The following CHODL variants were observed in gnomAD, a reference collection of about 807,000 sequenced individuals.
CHODL encodes chondrolectin, also known as transmembrane protein MT75.
A neutral mutation model predicts 34.5 loss-of-function variants in CHODL; 29 were observed. The ratio of observed to expected loss-of-function variants is 0.84; its 90% confidence interval spans 0.63 to 1.15. The LOEUF (loss-of-function observed/expected upper bound fraction) is 1.15. Ranked by LOEUF, CHODL falls within the 50% of genes most tolerant of loss-of-function variation. CHODL has a pLI of 0.00. For missense variants in CHODL, 332 were observed against 332.5 expected, an observed-to-expected ratio of 1.00 and a Z score of 0.01; for synonymous variants, 125 against 116.1, an observed-to-expected ratio of 1.08 and a Z score of -0.49.
Position 18,232,967 on chromosome 21 carries a change from A to ATATG in CHODL, c.-44-23539_-44-23538insGTAT, listed in dbSNP as rs1243615968. On this transcript the variant is annotated intron_variant, in intron 2 of 6. Transcript: ENST00000400127. ...GATATATATATATATATATATATAT[A>ATATG]TATATGTATATATATGACCTATCTA... 5.0e-5 allele frequency among the ~76,000 whole-genome samples: 7 copies of ATATG among 139,198 alleles called. No individual in the cohort carries two copies. The East Asian group carries it at 1.4e-3, about 28-fold the overall frequency. The allele number at this position is 139,198 out of a possible 152,430, so 91.3% of individuals were successfully genotyped here.
intron 2 of CHODL, among the ~76,000 whole-genome samples, chr21:18,232,942 G>T (rs8126630): frequency 0.21 from 24,906 of 118,160 alleles, 3,207 homozygotes; most frequent in African/African-American, 0.26. Flanking sequence ...ATGATGTTAT[G>T]ATATATATAT....
chr21:18,174,315 T>C (rs186706720), intron 2 of CHODL, among the ~76,000 whole-genome samples: 3 of 151,612 alleles, frequency 2.0e-5, no homozygotes, highest in East Asian at 3.9e-4. Flanking sequence ...AAAATAATTT[T>C]TTCTTGCAAT....
chr21:17,923,462 G>GTTTTTTT (rs71318108), intron 1 of CHODL, among the ~76,000 whole-genome samples: 3 of 130,664 alleles, frequency 2.3e-5, no homozygotes, highest in Admixed American at 8.0e-5. Context: ...TAATTCTTCA[G>GTTTTTTT]TTTTTTTTTT....
intron 2 of CHODL, among the ~76,000 whole-genome samples, chr21:18,063,772 G>T (rs2064697324): frequency 6.6e-6 from 1 of 152,180 alleles, no homozygotes; most frequent in South Asian, 2.1e-4. Flanking sequence ...AATTTTCATT[G>T]CTTTTAAGAT....
intron 2 of CHODL, among the ~76,000 whole-genome samples, chr21:18,194,321 G>A (rs1039611295): frequency 6.6e-6 from 1 of 151,996 alleles, no homozygotes; most frequent in African/African-American, 2.4e-5. Context: ...TCAGCCCCCT[G>A]CCCACATCTG....
intron 2 of CHODL, among the ~76,000 whole-genome samples, chr21:18,041,047 C>T (rs184297634): frequency 3.9e-4 from 59 of 151,964 alleles, no homozygotes; most frequent in Non-Finnish European, 7.1e-4. Context: ...GTGATTATTT[C>T]CTCCCTTTTT....
At chr21:18,128,333 A>AAAAAAAAAAAAAAAAAAAAAAAAAAAAC (rs2072606101) in intron 2 of CHODL, among the ~76,000 whole-genome samples, 1 of 129,520 alleles carries the variant, frequency 7.7e-6, no homozygotes, top group Admixed American at 8.0e-5. Flanking sequence ...AAAAAAAAAA[A>AAAAAAAAAAAAAAAAAAAAAAAAAAAAC]AAAAAAAAGA....
chr21:18,199,431 G>A, intron 2 of CHODL, among the ~76,000 whole-genome samples: 1 of 151,972 alleles, frequency 6.6e-6, no homozygotes. Context: ...TTAACATCTT[G>A]ATTAATGTGA....
At chr21:18,128,268 T>C (rs1244696304) in intron 2 of CHODL, among the ~76,000 whole-genome samples, 1 of 110,598 alleles carries the variant, frequency 9.0e-6, no homozygotes, top group Non-Finnish European at 1.7e-5. Flanking sequence ...GCCACTGCAC[T>C]CCAGCCTGGG....
intron 1 of CHODL, among the ~76,000 whole-genome samples, chr21:18,006,354 A>C (rs78009297): frequency 1.3e-4 from 19 of 150,962 alleles, no homozygotes; most frequent in African/African-American, 4.5e-4. Flanking sequence ...CTTAAAATAA[A>C]AGAAAAAAAA....
At chr21:18,163,221 T>A (rs934701308) in intron 2 of CHODL, among the ~76,000 whole-genome samples, 18 of 152,256 alleles carry the variant, frequency 1.2e-4, no homozygotes, top group Non-Finnish European at 4.4e-5. Context: ...GATTTATTTA[T>A]ACTTTAATAG....
chr21:18,034,944 A>G (rs2064292671), intron 2 of CHODL, among the ~76,000 whole-genome samples: 1 of 152,014 alleles, frequency 6.6e-6, no homozygotes, highest in Non-Finnish European at 1.5e-5. Flanking sequence ...GTCATCTCAG[A>G]TGAGAGAAAC....
intron 2 of CHODL, among the ~76,000 whole-genome samples, chr21:18,107,558 A>G (rs1381812201): frequency 1.3e-5 from 2 of 152,206 alleles, no homozygotes; most frequent in Non-Finnish European, 2.9e-5. Flanking sequence ...TATGACTTAC[A>G]TCTTTAGCCT....
chr21:18,008,282 C>T (rs542925877), intron 1 of CHODL, among the ~76,000 whole-genome samples: 7 of 148,364 alleles, frequency 4.7e-5, no homozygotes, highest in African/African-American at 1.0e-4. Flanking sequence ...AGACACTAAA[C>T]GTTTTTATAA....
chr21:17,988,765 A>G (rs1387065423), intron 1 of CHODL, among the ~76,000 whole-genome samples: 1 of 151,510 alleles, frequency 6.6e-6, no homozygotes, highest in Non-Finnish European at 1.5e-5. Context: ...TCCATGGTGT[A>G]TATGTGCCAC....
At chr21:18,114,408 T>G (rs1568893612) in intron 2 of CHODL, among the ~76,000 whole-genome samples, 1 of 152,186 alleles carries the variant, frequency 6.6e-6, no homozygotes, top group Non-Finnish European at 1.5e-5. Context: ...CAAAAATATA[T>G]ATACTATGTA....
intron 2 of CHODL, among the ~76,000 whole-genome samples, chr21:18,234,713 G>A (rs1479638278): frequency 6.6e-6 from 1 of 152,042 alleles, no homozygotes; most frequent in Non-Finnish European, 1.5e-5. Context: ...GAAGGGGGTA[G>A]AACAAAACTT....
chr21:17,923,443 C>T (rs1188220731), intron 1 of CHODL, among the ~76,000 whole-genome samples: 6 of 149,716 alleles, frequency 4.0e-5, no homozygotes, highest in African/African-American at 1.5e-4. Context: ...TTTTATATAA[C>T]ATTTTCCCTA....
At chr21:17,978,209 G>T (rs2063682507) in intron 1 of CHODL, among the ~76,000 whole-genome samples, 1 of 151,720 alleles carries the variant, frequency 6.6e-6, no homozygotes, top group Admixed American at 6.6e-5. Flanking sequence ...GCATTACGAG[G>T]TCAGGAGTTT....
Sources: allele counts gnomAD v4.1 joint callset (sites outside exome capture counted in the v4.1 genomes callset), GRCh38; gene constraint gnomAD v4.1.1; transcripts MANE v1.5; gene names NCBI Gene and HGNC (gene_info 2026-07-23, HGNC 2026-07-21).